The following VWA5B1 variants were observed in gnomAD, a reference collection of about 807,000 sequenced individuals.
VWA5B1 encodes von Willebrand factor A domain-containing protein 5B1.
Under a neutral mutation model 118.2 loss-of-function variants are expected in VWA5B1, and 115 were observed. The observed-to-expected ratio is 0.97, with a 90% CI of 0.84 to 1.14. The LOEUF (loss-of-function observed/expected upper bound fraction) is 1.14. VWA5B1 is among the 50% of genes most tolerant of loss of function. The probability of loss-of-function intolerance (pLI) is 0.00; values close to 1 mark genes in which losing one functional copy is unlikely to be tolerated. For synonymous variants in VWA5B1, 682 were observed against 658.4 expected, an observed-to-expected ratio of 1.04 and a Z score of -0.55; for missense variants, 1,596 against 1,603.8, an observed-to-expected ratio of 1.00 and a Z score of 0.08.
At chr1:20,330,481 T>C in intron 10 of VWA5B1, 99 bp downstream of exon 10, 1 of 1,373,804 alleles carries the variant, frequency 7.3e-7, no homozygotes, top group South Asian at 1.3e-5. Context: ...AGGGAGAGGA[T>C]AGGACCCACA....
intron 1 of VWA5B1, among the ~76,000 whole-genome samples, chr1:20,292,638 C>CAT (rs2088333764): frequency 6.6e-6 from 1 of 151,504 alleles, no homozygotes; most frequent in Non-Finnish European, 1.5e-5. Context: ...CAGTGGCATG[C>CAT]GTGTGTGTGT....
intron 1 of VWA5B1, among the ~76,000 whole-genome samples, chr1:20,304,559 G>A (rs902378968): frequency 3.3e-5 from 5 of 152,108 alleles, no homozygotes; most frequent in African/African-American, 1.2e-4. Context: ...GGAGGTGTGT[G>A]TGTGTGTGCA....
At chr1:20,322,889 C>T (rs1302866695) in intron 7 of VWA5B1, among the ~76,000 whole-genome samples, 4 of 152,112 alleles carry the variant, frequency 2.6e-5, no homozygotes, top group African/African-American at 4.8e-5. Context: ...AATTTAACAA[C>T]GGGAGAGAAT....
chr1:20,329,410 G>A (rs976651053), intron 9 of VWA5B1, among the ~76,000 whole-genome samples: 2 of 146,346 alleles, frequency 1.4e-5, no homozygotes, highest in African/African-American at 5.1e-5. Flanking sequence ...TCAGGTTCAA[G>A]CGATTCTCCT....
intron 1 of VWA5B1, among the ~76,000 whole-genome samples, chr1:20,301,396 C>A (rs1570047229): frequency 6.6e-6 from 1 of 152,216 alleles, no homozygotes; most frequent in African/African-American, 2.4e-5. Flanking sequence ...TTTTTACCCG[C>A]CCACTATACA....
chr1:20,353,337 G>A (rs1277831462), intron 21 of VWA5B1, among the ~76,000 whole-genome samples: 1 of 152,182 alleles, frequency 6.6e-6, no homozygotes, highest in Admixed American at 6.5e-5. Flanking sequence ...TGGATTGGGG[G>A]TGGGGAGAGG....
At chr1:20,342,761 C>A (rs2089909848) in intron 15 of VWA5B1, among the ~76,000 whole-genome samples, 152 bp downstream of exon 15, 1 of 152,208 alleles carries the variant, frequency 6.6e-6, no homozygotes, top group African/African-American at 2.4e-5. Flanking sequence ...CCTCACCAAT[C>A]CCACGCTTCC....
intron 1 of VWA5B1, among the ~76,000 whole-genome samples, chr1:20,309,493 G>C (rs1294575463): frequency 1.3e-5 from 2 of 152,206 alleles, no homozygotes; most frequent in Non-Finnish European, 2.9e-5. Context: ...CAAGCACAGG[G>C]ATGGAAGGAA....
intron 12 of VWA5B1, 48 bp from the exon 13 acceptor site, chr1:20,336,255 C>T (rs2089712824): frequency 1.5e-6 from 2 of 1,293,940 alleles, no homozygotes; most frequent in Non-Finnish European, 2.0e-6. Context: ...GAAGTCCTTC[C>T]TGACACCTAG....
intron 19 of VWA5B1, 77 bp downstream of exon 19, chr1:20,350,307 CA>C: frequency 6.7e-7 from 1 of 1,497,236 alleles, no homozygotes; most frequent in Non-Finnish European, 9.1e-7. Context: ...AGTATCTTAG[CA>C]CCGACAAAGT....
rs1570040711 is a variant in VWA5B1, at chr1:20,298,015, T to TTTTTG, written c.-27+6930_-27+6931insTGTTT. 7.1e-5 allele frequency among the ~76,000 whole-genome samples: 10 copies of TTTTTG among 140,390 alleles called. No individual in the cohort carries two copies. The East Asian group carries it at 2.1e-3, about 30-fold the overall frequency. 92.1% of individuals were successfully genotyped at this position (140,390 alleles called of 152,430 possible). A position where few individuals can be genotyped will look rare whatever the true frequency, so the allele number is the denominator to read the frequency against. Reference sequence around the variant, plus strand: ...TGGTGGATTTTTTTTTTTTTTTTTTTTTTGTTTGTTCAGGGGACAGAGTCT... The same window carrying TTTTTG: ...TGGTGGATTTTTTTTTTTTTTTTTTTTTTTGTTTGTTTGTTCAGGGGACAGAGTCT... On this transcript the variant is annotated intron_variant, in intron 1 of 21. Coordinates refer to ENST00000289815, the MANE Select transcript of VWA5B1 (RefSeq NM_001039500.3).
In VWA5B1 at chr1:20,310,597, G is replaced by A. The variant is rs903484154; in HGVS notation, c.-5G>A. 43 of 1,531,434 alleles carry A rather than the reference G, an allele frequency of 2.8e-5. No individual in the cohort carries two copies. The highest frequency in any genetic ancestry group is 1.7e-4 in the Middle Eastern group (1 of 5,920). The allele number at this position is 1,531,434 out of a possible 1,614,324, so 94.9% of individuals were successfully genotyped here. On this transcript the variant is annotated 5_prime_UTR_variant, in exon 2 of 22. Coordinates refer to ENST00000289815, the MANE Select transcript of VWA5B1 (RefSeq NM_001039500.3). Reference sequence around the variant, plus strand: ...ACAGGTTCTGAAGGCTGAGTAGCCAGCGGGATGCCCGGCTTGCTGAATTGG... The same window carrying A: ...ACAGGTTCTGAAGGCTGAGTAGCCAACGGGATGCCCGGCTTGCTGAATTGG...
rs1557427871 is a variant in VWA5B1 at position 20,332,842 on chromosome 1, C to A, written c.1649C>A (p.Thr550Asn). The A allele has an allele frequency of 5.8e-6, 9 of 1,551,860 alleles. No individual in the cohort carries two copies. The highest frequency in any genetic ancestry group is 7.8e-6 in the Non-Finnish European group (9 of 1,147,034). ...VTVEWIFPET[T>N]EVLVSPVSAS... ...GTGGAGTGGATCTTCCCTGAGACCA[C>A]TGAGGTCCTGGTCTCACCCGTCAGC... The change falls in exon 12 of 22, where the codon ACT (threonine) becomes AAT (asparagine). Residue 550 changes from threonine to asparagine, a missense_variant. Physicochemically the swap from Thr to Asn is moderately conservative, Grantham distance 65 (BLOSUM62 0). Transcript: ENST00000289815.
Position 20,319,491 on chromosome 1 carries a change from CAG to C in VWA5B1, c.954_955del (p.Arg318SerfsTer49), listed in dbSNP as rs1350043867. On this transcript the variant is annotated frameshift_variant, in exon 7 of 22. Coordinates refer to ENST00000289815, the MANE Select transcript of VWA5B1 (RefSeq NM_001039500.3). LOFTEE classifies it high-confidence loss of function. ...TCATTAAAGGGATGAAGAAGAAGAG[CAG>C]AGCAGAGCGGAAGGTGAGGGCAACT... Reference protein sequence around the residue: ...DFIKGMKKKSRAERKTEIIRK... With the variant: ...DFIKGMKKKSXAERKTEIIRK... The C allele has an allele frequency of 1.3e-6, 2 of 1,551,578 alleles. No individual in the cohort carries two copies. Among genetic ancestry groups the C allele is most frequent in the Non-Finnish European group, 1.7e-6 (2 of 1,147,010 alleles).
intron 1 of VWA5B1, among the ~76,000 whole-genome samples, chr1:20,298,039 C>G (rs1462122686): frequency 5.9e-5 from 8 of 134,802 alleles, no homozygotes; most frequent in Non-Finnish European, 1.2e-4. Flanking sequence ...GGGACAGAGT[C>G]TTGCTCTGTC....
Position 20,323,886 on chromosome 1 carries a change from CT to C in VWA5B1, c.1143+356del, listed in dbSNP as rs562154400. ...TATGTGTTGGATACGGTGCTAGCCA[CT>C]TAACGTGAAGCTTGGTACCTCATCC... On this transcript the variant is annotated intron_variant, in intron 8 of 21. Transcript: ENST00000289815. Among the ~76,000 whole-genome samples the C allele has an allele frequency of 1.2e-4, 19 of 152,352 alleles. No individual in the cohort carries two copies. In the East Asian group the frequency reaches 3.7e-3, roughly 29 times the overall value.
intron 3 of VWA5B1, among the ~76,000 whole-genome samples, chr1:20,313,977 G>C (rs2088925260): frequency 6.6e-6 from 1 of 152,152 alleles, no homozygotes; most frequent in African/African-American, 2.4e-5. Context: ...TAAAAGGAAA[G>C]AGCATGAGCA....
Position 20,359,392 on chromosome 1 carries a change from T to C in VWA5B1, c.*5129T>C, listed in dbSNP as rs1477098440. Among the ~76,000 whole-genome samples, 8 of 152,294 alleles carry C rather than the reference T, an allele frequency of 5.3e-5. No individual in the cohort carries two copies. The East Asian group carries it at 1.4e-3, about 26-fold the overall frequency. ...GAAGCCCTGGATGTCAGCCGTCTAATGTCCACTAATACTCAGCAAATCCTA... is the reference window on the plus strand; with the variant it reads ...GAAGCCCTGGATGTCAGCCGTCTAACGTCCACTAATACTCAGCAAATCCTA... On this transcript the variant is annotated 3_prime_UTR_variant, in exon 22 of 22. Transcript: ENST00000289815.
chr1:20,310,819 C>T, intron 2 of VWA5B1, 79 bp downstream of exon 2: 1 of 1,439,790 alleles, frequency 6.9e-7, no homozygotes, highest in South Asian at 1.5e-5. Context: ...TACTCGCTGA[C>T]TGACCTTAGG....
Sources: gnomAD v4.1 joint callset for allele counts (sites outside exome capture counted in the v4.1 genomes callset) on GRCh38, gnomAD v4.1.1 for gene constraint, MANE v1.5 for transcripts, NCBI Gene and HGNC (gene_info 2026-07-23, HGNC 2026-07-21) for gene names.